Variants in EML3 observed in about 807,000 individuals in gnomAD.
EML3 encodes the protein echinoderm microtubule-associated protein-like 3.
A neutral mutation model predicts 106.7 loss-of-function variants in EML3; 53 were observed. That is an observed-to-expected ratio of 0.50 (90% confidence interval 0.40 to 0.62). EML3 has a LOEUF of 0.62. Ranked by LOEUF, EML3 falls within the 20% of genes least tolerant of loss-of-function variation. The pLI is 0.00. For missense variants in EML3, 994 were observed against 1,209.1 expected (o/e 0.82, Z 2.64); for synonymous variants, 499 against 489.6 (o/e 1.02, Z -0.25).
Position 62,603,258 on chromosome 11 carries a change from G to A in EML3, c.2258-11C>T. On this transcript the variant is annotated splice_polypyrimidine_tract_variant and intron_variant, in intron 19 of 21. Coordinates refer to ENST00000394773, the MANE Select transcript of EML3 (RefSeq NM_153265.3). Reference sequence around the variant, plus strand: ...CTCCAGCCACGTCCCCTGGGGAGAGGGAGCCCGCCCAGCTCAGCTCTCACC... The same window carrying A: ...CTCCAGCCACGTCCCCTGGGGAGAGAGAGCCCGCCCAGCTCAGCTCTCACC... The A allele has an allele frequency of 1.9e-6, 3 of 1,612,110 alleles. No homozygotes were observed. The highest frequency in any genetic ancestry group is 2.5e-6 in the Non-Finnish European group (3 of 1,179,540).
intron 4 of EML3, 130 bp downstream of exon 4, chr11:62,610,749 A>G (rs11231161): frequency 0.31 from 233,363 of 754,118 alleles, 39,338 homozygotes; most frequent in Non-Finnish European, 0.36. Flanking sequence ...GGCGCCCCAG[A>G]AGTGTTTGTT....
chr11:62,606,592 C>T (rs1942532318), intron 12 of EML3, among the ~76,000 whole-genome samples: 1 of 152,242 alleles, frequency 6.6e-6, no homozygotes. Context: ...CGCCGTGGCT[C>T]ACGCCTGTAA....
At chr11:62,608,349 G>T in intron 9 of EML3, 53 bp from the exon 10 acceptor site, 2 of 1,531,234 alleles carry the variant, frequency 1.3e-6, no homozygotes, top group Non-Finnish European at 1.8e-6. Flanking sequence ...AGGTCCAGGG[G>T]TTCATGGTCA....
At chr11:62,602,914 C>A in intron 20 of EML3, 25 bp from the exon 21 acceptor site, 1 of 1,515,310 alleles carries the variant, frequency 6.6e-7, no homozygotes. Flanking sequence ...GGCCTCAGCC[C>A]GACCTCCTAC....
At chr11:62,607,972 C>A (rs1177343069) in intron 10 of EML3, 151 bp from the exon 11 acceptor site, 1 of 921,074 alleles carries the variant, frequency 1.1e-6, no homozygotes, top group East Asian at 2.5e-5. Context: ...CCTAAGAGCA[C>A]TATTTCCTGT....
At position 62,608,293 on chromosome 11, in the gene EML3, G is replaced by C. The variant is rs761668634; in HGVS notation, c.1114C>G (p.Gln372Glu). 15 of 1,613,588 alleles carry C rather than the reference G, an allele frequency of 9.3e-6. No homozygotes were observed. Among genetic ancestry groups the C allele is most frequent in the Non-Finnish European group, 1.3e-5 (15 of 1,179,700 alleles). Reference protein sequence around the residue: ...VGALAFSAADQGAFLCVVDDS... With the variant: ...VGALAFSAADEGAFLCVVDDS... ...TCCACCACACAAAGAAAGGCACCCT[G>C]ATCCTGAAGAAGGGTGACACATAGG... The change falls in exon 10 of 22, where the codon CAG (glutamine) becomes GAG (glutamate). Residue 372 changes from glutamine (Q) to glutamate (E), a missense_variant. Around this residue, in one of 3 missense-constraint regions of EML3, gnomAD observed 713 missense variants for 920.5 expected, o/e 0.77. Transcript: ENST00000394773.
intron 20 of EML3, 56 bp from the exon 21 acceptor site, chr11:62,602,945 G>GAGCCATTTCAGGCGCTCCGGC (rs1942315041): frequency 6.7e-7 from 1 of 1,485,518 alleles, no homozygotes; most frequent in Non-Finnish European, 8.9e-7. Context: ...CCACGGCCCA[G>GAGCCATTTCAGGCGCTCCGGC]AGCTACACCA....
intron 19 of EML3, 60 bp downstream of exon 19, chr11:62,603,669 C>T: frequency 7.0e-7 from 1 of 1,426,660 alleles, no homozygotes; most frequent in Non-Finnish European, 9.9e-7. Flanking sequence ...CTAACAGCCC[C>T]CCCTACACAA....
rs769050763 is a variant in EML3, at chr11:62,608,201, C to T, written c.1206G>A (p.Lys402=). ...CCTCCAAGCCACATGGACTCCTCAC[C>T]TTGATCTCAGCCAGCTTCATTCCCC... ...CSRGMKLAEI[K]STNDSVLAVG... The change falls in exon 10 of 22, where the codon AAG becomes AAA. Residue 402 remains lysine (K), a splice_region_variant and synonymous_variant. Transcript: ENST00000394773. The T allele has an allele frequency of 5.0e-6, 8 of 1,613,816 alleles. No homozygotes were observed. The East Asian group carries it at 1.6e-4, about 31-fold the overall frequency.
intron 16 of EML3, 94 bp from the exon 17 acceptor site, chr11:62,604,295 G>T: frequency 1.0e-6 from 1 of 980,236 alleles, no homozygotes; most frequent in Non-Finnish European, 1.6e-6. Flanking sequence ...CTTGGGGATG[G>T]CAAATAAGAG....
chr11:62,605,046 C>G lies in EML3; in HGVS notation c.1982+67G>C. The G allele has an allele frequency of 1.3e-6, 2 of 1,507,120 alleles. No homozygotes were observed. The highest frequency in any genetic ancestry group is 1.8e-6 in the Non-Finnish European group (2 of 1,115,896). The allele number at this position is 1,507,120 out of a possible 1,614,324, so 93.4% of individuals were successfully genotyped here. On this transcript the variant is annotated intron_variant, in intron 16 of 21. Coordinates refer to ENST00000394773, the MANE Select transcript of EML3 (RefSeq NM_153265.3). This position sits in a 1 kb window ranked among gnomAD's most constrained non-coding sequence, Gnocchi z 5.2. ...TAGAGGTGGTCACTCTCGCCCACTC[C>G]CCCAGTACCAGGAACCCTTCCCAGT...
rs1322194461 is a variant in EML3, at chr11:62,605,488, G to A, written c.1914+154C>T. The A allele has an allele frequency of 8.8e-7, 1 of 1,130,630 alleles. No individual in the cohort carries two copies. Among genetic ancestry groups the A allele is most frequent in the Non-Finnish European group, 1.2e-6 (1 of 813,030 alleles). The allele number at this position is 1,130,630 out of a possible 1,614,324, so 70.0% of individuals were successfully genotyped here. ...TAGAAGCATCAGCTTTTACCAGTCAGTACAGAAAAATTAATATTTGAGTAG... is the reference window on the plus strand; with the variant it reads ...TAGAAGCATCAGCTTTTACCAGTCAATACAGAAAAATTAATATTTGAGTAG... On this transcript the variant is annotated intron_variant, in intron 15 of 21. Transcript: ENST00000394773. This position sits in a 1 kb window ranked among gnomAD's most constrained non-coding sequence, Gnocchi z 5.2.
chr11:62,606,143 C>G lies in EML3; in HGVS notation c.1576G>C (p.Gly526Arg). The G allele has an allele frequency of 6.2e-7, 1 of 1,614,162 alleles. No homozygotes were observed. Among genetic ancestry groups the G allele is most frequent in the Non-Finnish European group, 8.5e-7 (1 of 1,180,052 alleles). Residue 526 changes from glycine (G) to arginine (R), a missense_variant, in exon 13 of 22, where the codon GGG becomes CGG. This residue lies in a region of EML3 where 713 missense variants were observed against 920.5 expected (regional missense o/e 0.77). Transcript: ENST00000394773. ...SIFALCLRRD[G>R]TVLSGGGRDR... ...CGCCCGCCACCACTCAGCACTGTCC[C>G]GTCCCTCCGGAGACACAAGGCGAAG...
Position 62,602,899 on chromosome 11 carries a change from C to A in EML3, c.2357-10G>T. ...CCGTCCGGCCAGACGCCTAGCACAGCGGCCGGCCTCAGCCCGACCTCCTAC... is the reference window on the plus strand; with the variant it reads ...CCGTCCGGCCAGACGCCTAGCACAGAGGCCGGCCTCAGCCCGACCTCCTAC... On this transcript the variant is annotated splice_polypyrimidine_tract_variant and intron_variant, in intron 20 of 21. Coordinates refer to ENST00000394773, the MANE Select transcript of EML3 (RefSeq NM_153265.3). The A allele has an allele frequency of 1.3e-6, 2 of 1,542,018 alleles. No homozygotes were observed. The highest frequency in any genetic ancestry group is 1.9e-5 in the Admixed American group (1 of 53,662).
chr11:62,611,293 G>A lies in EML3; in HGVS notation c.246C>T (p.Ser82=). The A allele has an allele frequency of 6.2e-7, 1 of 1,613,006 alleles. No individual in the cohort carries two copies. Among genetic ancestry groups the A allele is most frequent in the Non-Finnish European group, 8.5e-7 (1 of 1,179,928 alleles). The stretch of plus-strand genomic sequence containing the variant: ...CCTCTGTCTCCGTCTGGGTGCCTCG[G>A]CTCACCAAGGAAGGGGTGCACGTGG... ...LPPTCTPSLV[S]RGTQTETEVE... Residue 82 remains serine (S), a synonymous_variant, in exon 3 of 22, where the codon AGC becomes AGT. Coordinates refer to ENST00000394773, the MANE Select transcript of EML3 (RefSeq NM_153265.3).
chr11:62,603,854 C>A, intron 18 of EML3, 38 bp from the exon 19 acceptor site: 1 of 1,612,424 alleles, frequency 6.2e-7, no homozygotes, highest in Non-Finnish European at 8.5e-7. Context: ...GTATCCCATC[C>A]ATTTCCCATC....
chr11:62,610,135 A>G (rs1327578469), intron 4 of EML3, among the ~76,000 whole-genome samples: 3 of 152,038 alleles, frequency 2.0e-5, no homozygotes, highest in East Asian at 1.9e-4. Flanking sequence ...TGACCTTTTC[A>G]TTTCCCCATC....
rs754087843 is a variant in EML3 at position 62,610,902 on chromosome 11, T to G, written c.543A>C (p.Leu181Phe). The change falls in exon 4 of 22, where the codon TTA becomes TTC. Residue 181 changes from leucine to phenylalanine, a missense_variant. Around this residue, in one of 3 missense-constraint regions of EML3, gnomAD observed 269 missense variants for 265.1 expected, o/e 1.01. Coordinates refer to ENST00000394773, the MANE Select transcript of EML3 (RefSeq NM_153265.3). Reference sequence around the variant, plus strand: ...ACCTCTCTGTGCTCCCGGACCGCACTAACAGGTTGGCGGAGGAGATTGCCT... The same window carrying G: ...ACCTCTCTGTGCTCCCGGACCGCACGAACAGGTTGGCGGAGGAGATTGCCT... ...SRKAISSANL[L>F]VRSGSTESRG... The G allele has an allele frequency of 6.2e-7, 1 of 1,611,842 alleles. No homozygotes were observed. The highest frequency in any genetic ancestry group is 1.1e-5 in the South Asian group (1 of 91,010).
chr11:62,604,010 G>A lies in EML3; in HGVS notation c.2103C>T (p.Asp701=), dbSNP rs1942387110. The change falls in exon 18 of 22, where the codon GAC becomes GAT. Residue 701 remains aspartate (D), a synonymous_variant. Coordinates refer to ENST00000394773, the MANE Select transcript of EML3 (RefSeq NM_153265.3). ...DGLYLAIGSH[D]NVIYIYSVSS... ...AAACACTATAGATGTAGATCACGTT[G>A]TCATGGGAACCAATGGCCAGGTACA... The A allele has an allele frequency of 1.2e-5, 19 of 1,614,120 alleles. No individual in the cohort carries two copies. Among genetic ancestry groups the A allele is most frequent in the Non-Finnish European group, 1.4e-5 (17 of 1,180,032 alleles).
Sources: allele counts gnomAD v4.1 joint callset (sites outside exome capture counted in the v4.1 genomes callset), GRCh38; gene constraint gnomAD v4.1.1; regional missense constraint gnomAD v4.1.1; non-coding constraint Gnocchi (gnomAD v3.1); transcripts MANE v1.5; gene names NCBI Gene and HGNC (gene_info 2026-07-23, HGNC 2026-07-21).